The following PRR16 variants were observed in gnomAD, a reference collection of about 807,000 sequenced individuals.
PRR16 encodes the protein protein Largen.
PRR16 carries 6 observed loss-of-function variants against 18.2 expected under a neutral mutation model. The ratio of observed to expected loss-of-function variants is 0.33; its 90% CI spans 0.18 to 0.65. PRR16 has a LOEUF of 0.65. PRR16 is among the 30% of genes least tolerant of loss of function. PRR16 has a pLI of 0.74. For missense variants in PRR16, 412 were observed against 376.6 expected (o/e 1.09, Z -0.78); for synonymous variants, 151 against 147.8 (o/e 1.02, Z -0.16).
intron 1 of PRR16, among the ~76,000 whole-genome samples, chr5:120,654,945 C>T (rs1344909998): frequency 1.3e-5 from 2 of 151,596 alleles, no homozygotes; most frequent in Non-Finnish European, 3.0e-5. Flanking sequence ...GAAGGGAGAA[C>T]GATCAAAAAC....
intron 1 of PRR16, among the ~76,000 whole-genome samples, chr5:120,655,388 TAAAAAAAAAGAGG>T (rs1755933161): frequency 7.0e-6 from 1 of 143,572 alleles, no homozygotes; most frequent in Admixed American, 7.0e-5. Context: ...TTTTTTTTTT[TAAAAAAAAAGAGG>T]TTTTTATGGT....
intron 1 of PRR16, among the ~76,000 whole-genome samples, chr5:120,497,155 A>T (rs1029406640): frequency 1.3e-5 from 2 of 152,128 alleles, no homozygotes; most frequent in African/African-American, 4.8e-5. Context: ...TTTCACGGAC[A>T]CTTAAGAAGA....
intron 1 of PRR16, among the ~76,000 whole-genome samples, chr5:120,516,734 AT>A (rs780650639): frequency 4.3e-4 from 66 of 152,294 alleles, no homozygotes; most frequent in South Asian, 8.3e-4. Context: ...GTATGTTGCC[AT>A]GGATTGGTGA....
rs1254420063 is a variant in PRR16 at position 120,464,386 on chromosome 5, G to C, written c.-101G>C. The C allele has an allele frequency of 1.8e-5, 24 of 1,354,026 alleles. No individual in the cohort carries two copies. Among genetic ancestry groups the C allele is most frequent in the Non-Finnish European group, 2.4e-5 (24 of 1,020,676 alleles). The allele number at this position is 1,354,026 out of a possible 1,614,324, so 83.9% of individuals were successfully genotyped here. ...TGCCCAGGGAGCGCCCAAGATGTGGGGGGACCGGGGCGGCAGCGGCCGTAG... is the reference window on the plus strand; with the variant it reads ...TGCCCAGGGAGCGCCCAAGATGTGGCGGGACCGGGGCGGCAGCGGCCGTAG... On this transcript the variant is annotated 5_prime_UTR_variant, in exon 1 of 2. Transcript: ENST00000407149.
intron 1 of PRR16, among the ~76,000 whole-genome samples, chr5:120,530,283 ATT>A (rs1491512144): frequency 0.021 from 1,877 of 87,964 alleles, 24 homozygotes; most frequent in Middle Eastern, 0.087. Flanking sequence ...ATATATATAT[ATT>A]TATTTATTTA....
chr5:120,787,234 G>A, the PRR16 span, among the ~76,000 whole-genome samples: 1 of 151,948 alleles, frequency 6.6e-6, no homozygotes, highest in Non-Finnish European at 1.5e-5. Context: ...AAAAATTTGT[G>A]TATTTTATAA....
intron 1 of PRR16, among the ~76,000 whole-genome samples, chr5:120,565,435 C>T (rs1752707722): frequency 6.6e-6 from 1 of 152,190 alleles, no homozygotes; most frequent in African/African-American, 2.4e-5. Context: ...TAGAAACTAG[C>T]CCATTCAGAT....
the PRR16 span, among the ~76,000 whole-genome samples, chr5:120,775,676 G>A: frequency 6.8e-5 from 10 of 147,270 alleles, 1 homozygote; most frequent in South Asian, 1.5e-3. Flanking sequence ...TGTTGCCCAG[G>A]CTGGAGTGCA....
At chr5:120,498,791 T>TTATA (rs1023501322) in intron 1 of PRR16, among the ~76,000 whole-genome samples, 2 of 151,036 alleles carry the variant, frequency 1.3e-5, no homozygotes, top group African/African-American at 4.9e-5. Flanking sequence ...TTTTCACTGT[T>TTATA]TATAGGATTC....
chr5:120,471,413 C>A (rs1250562948), intron 1 of PRR16, among the ~76,000 whole-genome samples: 1 of 151,940 alleles, frequency 6.6e-6, no homozygotes, highest in East Asian at 1.9e-4. Flanking sequence ...ATCAAATTAC[C>A]TTAGAAGAGA....
At chr5:120,516,499 A>ACACACACG (rs1750999703) in intron 1 of PRR16, among the ~76,000 whole-genome samples, 1 of 151,204 alleles carries the variant, frequency 6.6e-6, no homozygotes, top group Non-Finnish European at 1.5e-5. Context: ...ACACACACAC[A>ACACACACG]CACACACACA....
chr5:120,702,969 G>A, the PRR16 span, among the ~76,000 whole-genome samples: 15 of 152,178 alleles, frequency 9.9e-5, no homozygotes, highest in Non-Finnish European at 2.1e-4. Context: ...TTTCATGCAC[G>A]TCCGTGTGAA....
the PRR16 span, among the ~76,000 whole-genome samples, chr5:120,766,589 T>C: frequency 2.6e-5 from 4 of 151,986 alleles, no homozygotes; most frequent in African/African-American, 7.2e-5. Flanking sequence ...ATTAATCAGC[T>C]TAATTCCCTC....
chr5:120,685,180 G>T (rs745497963), intron 1 of PRR16, among the ~76,000 whole-genome samples: 9 of 152,164 alleles, frequency 5.9e-5, no homozygotes, highest in Non-Finnish European at 1.0e-4. Context: ...AACAGTCTGA[G>T]AAGTAAATGG....
At chr5:120,783,573 A>ATTGT in the PRR16 span, among the ~76,000 whole-genome samples, 1 of 152,092 alleles carries the variant, frequency 6.6e-6, no homozygotes, top group Non-Finnish European at 1.5e-5. Flanking sequence ...AAAAATTTAA[A>ATTGT]TTGTTTTAAT....
chr5:120,768,162 A>T, the PRR16 span, among the ~76,000 whole-genome samples: 1 of 151,904 alleles, frequency 6.6e-6, no homozygotes, highest in Non-Finnish European at 1.5e-5. Context: ...TACAATATGT[A>T]GTTTCCACTC....
intron 1 of PRR16, among the ~76,000 whole-genome samples, chr5:120,493,634 A>G (rs113345109): frequency 1.3e-5 from 2 of 152,144 alleles, no homozygotes; most frequent in Admixed American, 6.6e-5. Flanking sequence ...GAACAGCACC[A>G]TTGCCACAAG....
At chr5:120,664,776 A>AG (rs368666685) in intron 1 of PRR16, among the ~76,000 whole-genome samples, 29,052 of 125,296 alleles carry the variant, frequency 0.23, 3,782 homozygotes, top group Middle Eastern at 0.36. Flanking sequence ...GTCCCTACAA[A>AG]GACATGAACT....
chr5:120,631,232 A>G (rs2112839571), intron 1 of PRR16, among the ~76,000 whole-genome samples: 1 of 152,276 alleles, frequency 6.6e-6, no homozygotes, highest in East Asian at 1.9e-4. Context: ...GGCAGATAAG[A>G]GACAAAACTA....
Sources: gnomAD v4.1 joint callset for allele counts (sites outside exome capture counted in the v4.1 genomes callset) on GRCh38, gnomAD v4.1.1 for gene constraint, MANE v1.5 for transcripts, NCBI Gene and HGNC (gene_info 2026-07-23, HGNC 2026-07-21) for gene names.